Variants in LUZP2 observed in about 807,000 individuals in gnomAD.
LUZP2 encodes the protein leucine zipper protein 2.
LUZP2 carries 52 observed loss-of-function variants against 51.6 expected under a neutral mutation model. The ratio of observed to expected loss-of-function variants is 1.01; its 90% CI spans 0.81 to 1.27. The LOEUF (loss-of-function observed/expected upper bound fraction) is 1.27. Among genes scored for constraint, LUZP2 ranks in the 50% most tolerant of loss-of-function variants. LUZP2 has a pLI of 0.00. For missense variants in LUZP2, 436 were observed against 395.4 expected (o/e 1.10, Z -0.87); for synonymous variants, 154 against 137.3 (o/e 1.12, Z -0.85).
chr11:24,936,222 C>G (rs1009343244), intron 7 of LUZP2, among the ~76,000 whole-genome samples: 1 of 152,170 alleles, frequency 6.6e-6, no homozygotes, highest in South Asian at 2.1e-4. Flanking sequence ...AAGGGCTGAA[C>G]CCCTAAGTGG....
intron 1 of LUZP2, among the ~76,000 whole-genome samples, chr11:24,531,817 C>T (rs1325350828): frequency 1.3e-5 from 2 of 150,868 alleles, no homozygotes; most frequent in Admixed American, 6.6e-5. Flanking sequence ...GTGACATATA[C>T]ACATTAGCTT....
intron 1 of LUZP2, among the ~76,000 whole-genome samples, chr11:24,511,473 T>C (rs1850310425): frequency 6.6e-6 from 1 of 152,114 alleles, no homozygotes; most frequent in African/African-American, 2.4e-5. Context: ...ACAGGGATGG[T>C]AAAAGTTTAC....
intron 1 of LUZP2, among the ~76,000 whole-genome samples, chr11:24,542,470 T>G (rs1851401618): frequency 6.6e-6 from 1 of 152,010 alleles, no homozygotes; most frequent in African/African-American, 2.4e-5. Context: ...ATGTAACATA[T>G]ACTCAACTTA....
rs1353395315 is a variant in LUZP2 at position 24,611,087 on chromosome 11, TG to T, written c.62+113783del. 6.6e-6 allele frequency among the ~76,000 whole-genome samples: 1 copy of T among 152,178 alleles called. No homozygotes were observed. Among genetic ancestry groups the T allele is most frequent in the Admixed American group, 6.5e-5 (1 of 15,272 alleles). ...TTTATTTTTATTTTTTGTTTTGTTT[TG>T]TTTTGTTTTGGCTATCCGAAGTAAC... On this transcript the variant is annotated intron_variant, in intron 1 of 11. Transcript: ENST00000336930. This position sits in a 1 kb window ranked among gnomAD's most constrained non-coding sequence, Gnocchi z 4.6.
At chr11:24,980,215 A>G (rs566532987) in intron 8 of LUZP2, among the ~76,000 whole-genome samples, 1 of 151,854 alleles carries the variant, frequency 6.6e-6, no homozygotes, top group African/African-American at 2.4e-5. Flanking sequence ...AGTTTCATTT[A>G]TGTAGAGTTT....
At chr11:24,644,289 G>A (rs1478226414) in intron 1 of LUZP2, among the ~76,000 whole-genome samples, 1 of 152,140 alleles carries the variant, frequency 6.6e-6, no homozygotes, top group Non-Finnish European at 1.5e-5. Context: ...CATGCACACT[G>A]CTGTGTTGGA....
At chr11:24,715,161 T>A (rs1452257820) in intron 1 of LUZP2, among the ~76,000 whole-genome samples, 1 of 128,966 alleles carries the variant, frequency 7.8e-6, no homozygotes, top group Non-Finnish European at 1.8e-5. Flanking sequence ...AAAGTAAATG[T>A]TTGAAAAAAA....
chr11:24,854,918 T>C (rs7939328), intron 5 of LUZP2, among the ~76,000 whole-genome samples: 4,122 of 152,140 alleles, frequency 0.027, 171 homozygotes, highest in African/African-American at 0.093. Context: ...CCAGGTGAGG[T>C]GATGCTCCAC....
At chr11:24,739,645 T>C (rs564278864) in intron 4 of LUZP2, among the ~76,000 whole-genome samples, 2 of 152,238 alleles carry the variant, frequency 1.3e-5, no homozygotes, top group East Asian at 1.9e-4. Flanking sequence ...CTAGGCTCTC[T>C]AAACACAGTC....
intron 1 of LUZP2, among the ~76,000 whole-genome samples, chr11:24,505,781 G>A (rs1850129770): frequency 6.6e-6 from 1 of 151,860 alleles, no homozygotes; most frequent in Non-Finnish European, 1.5e-5. Context: ...ACCAATTCCA[G>A]TTGGGAACAC....
At chr11:24,550,145 A>G (rs1187433240) in intron 1 of LUZP2, among the ~76,000 whole-genome samples, 2 of 152,092 alleles carry the variant, frequency 1.3e-5, no homozygotes, top group Non-Finnish European at 2.9e-5. Context: ...TAACATGTCA[A>G]TCTCACTATA....
chr11:25,056,643 A>G lies in LUZP2; in HGVS notation c.858+6513A>G, dbSNP rs188575803. Among the ~76,000 whole-genome samples, 315 of 152,234 alleles carry G rather than the reference A, an allele frequency of 2.1e-3. 2 individuals are homozygous for G. The highest frequency in any genetic ancestry group is 7.1e-3 in the African/African-American group (297 of 41,562). ...AATATAAGGTAGATGAAGATTTTTC[A>G]AATTTTAGCATACTAAGAATCACCA... On this transcript the variant is annotated intron_variant, in intron 10 of 11. Coordinates refer to ENST00000336930, the MANE Select transcript of LUZP2 (RefSeq NM_001009909.4).
chr11:24,504,399 A>T (rs1308473437), intron 1 of LUZP2, among the ~76,000 whole-genome samples: 44 of 152,200 alleles, frequency 2.9e-4, no homozygotes, highest in Non-Finnish European at 2.9e-5. Flanking sequence ...ATAGATATAT[A>T]ACATTTTTAG....
At chr11:25,053,590 C>A (rs1331642324) in intron 10 of LUZP2, among the ~76,000 whole-genome samples, 24 of 151,146 alleles carry the variant, frequency 1.6e-4, no homozygotes, top group Non-Finnish European at 2.7e-4. Context: ...CCACACTAAG[C>A]CTCAGGCAAC....
At chr11:24,781,053 T>A (rs2134073842) in intron 5 of LUZP2, among the ~76,000 whole-genome samples, 1 of 152,258 alleles carries the variant, frequency 6.6e-6, no homozygotes, top group South Asian at 2.1e-4. Flanking sequence ...TATTCTCTCC[T>A]TTTAACCAAA....
intron 9 of LUZP2, among the ~76,000 whole-genome samples, chr11:25,032,232 C>G (rs554900302): frequency 1.1e-4 from 17 of 152,264 alleles, no homozygotes; most frequent in Admixed American, 9.2e-4. Flanking sequence ...GATGTCCAAC[C>G]AACAGAACTT....
intron 1 of LUZP2, among the ~76,000 whole-genome samples, chr11:24,586,941 A>G: frequency 6.6e-6 from 1 of 152,128 alleles, no homozygotes; most frequent in East Asian, 1.9e-4. Context: ...TACTATCAAA[A>G]GTTTCTACTC....
At chr11:24,597,900 A>G (rs957985727) in intron 1 of LUZP2, among the ~76,000 whole-genome samples, 1 of 152,096 alleles carries the variant, frequency 6.6e-6, no homozygotes, top group Non-Finnish European at 1.5e-5. Context: ...TCAGGAGTTC[A>G]AGACCAGCCT....
chr11:24,960,939 A>T (rs1381735145), intron 7 of LUZP2, among the ~76,000 whole-genome samples: 2 of 151,900 alleles, frequency 1.3e-5, no homozygotes, highest in African/African-American at 4.8e-5. Flanking sequence ...AGATTGTGGT[A>T]TGTTGTGTCT....
Sources: allele counts gnomAD v4.1 joint callset (sites outside exome capture counted in the v4.1 genomes callset), GRCh38; gene constraint gnomAD v4.1.1; non-coding constraint Gnocchi (gnomAD v3.1); transcripts MANE v1.5; gene names NCBI Gene and HGNC (gene_info 2026-07-23, HGNC 2026-07-21).